Variants in CSMD3 observed in about 807,000 individuals in gnomAD.
CSMD3 encodes CUB and sushi domain-containing protein 3.
Under a neutral mutation model 435.2 loss-of-function variants are expected in CSMD3, and 177 were observed. That is an observed-to-expected ratio of 0.41 (90% confidence interval 0.36 to 0.46). The LOEUF (loss-of-function observed/expected upper bound fraction) is 0.46. Ranked by LOEUF, CSMD3 falls within the 20% of genes least tolerant of loss-of-function variation. The pLI is 0.34. For synonymous variants in CSMD3, 1,656 were observed against 1,520.5 expected (o/e 1.09, Z -2.07); for missense variants, 4,265 against 4,504.6 (o/e 0.95, Z 1.52).
chr8:113,174,023 G>A, intron 3 of CSMD3, 107 bp from the exon 4 acceptor site: 1 of 835,950 alleles, frequency 1.2e-6, no homozygotes, highest in East Asian at 2.7e-5. Context: ...TATTTCTTTG[G>A]AGAAGAGTCA....
At chr8:112,547,125 G>A (rs1272109450) in intron 27 of CSMD3, among the ~76,000 whole-genome samples, 1 of 152,096 alleles carries the variant, frequency 6.6e-6, no homozygotes, top group Non-Finnish European at 1.5e-5. Context: ...CAATTAAAAC[G>A]ACAATACTTC....
intron 20 of CSMD3, among the ~76,000 whole-genome samples, chr8:112,644,201 C>A (rs1178790341): frequency 6.6e-6 from 1 of 151,646 alleles, no homozygotes; most frequent in African/African-American, 2.4e-5. Context: ...TTAGAATGGT[C>A]ATTTTACCAT....
At chr8:113,139,254 A>G (rs1044279056) in intron 4 of CSMD3, among the ~76,000 whole-genome samples, 3 of 151,060 alleles carry the variant, frequency 2.0e-5, no homozygotes, top group African/African-American at 7.3e-5. Flanking sequence ...AGGAAAAAAT[A>G]AAAGAGTAAG....
chr8:113,391,557 T>C (rs559914968), intron 1 of CSMD3, among the ~76,000 whole-genome samples: 1 of 152,154 alleles, frequency 6.6e-6, no homozygotes, highest in South Asian at 2.1e-4. Context: ...GATGTTTTAA[T>C]TAGTAAATAG....
intron 10 of CSMD3, among the ~76,000 whole-genome samples, chr8:112,895,619 C>T (rs1001597449): frequency 6.6e-6 from 1 of 151,146 alleles, no homozygotes; most frequent in Non-Finnish European, 1.5e-5. Flanking sequence ...TGGTGCTGAG[C>T]GAGGGGAATC....
intron 1 of CSMD3, among the ~76,000 whole-genome samples, chr8:113,379,750 T>G (rs1489005816): frequency 6.6e-6 from 1 of 152,208 alleles, no homozygotes; most frequent in Non-Finnish European, 1.5e-5. Flanking sequence ...TGAACAAAGT[T>G]GAGATTTATT....
At chr8:112,260,017 G>A (rs1816228536) in intron 61 of CSMD3, among the ~76,000 whole-genome samples, 1 of 152,038 alleles carries the variant, frequency 6.6e-6, no homozygotes. Flanking sequence ...TTCTATCCGT[G>A]AATTTTCATG....
chr8:112,485,153 T>C (rs1366461930), intron 31 of CSMD3, among the ~76,000 whole-genome samples: 2 of 152,166 alleles, frequency 1.3e-5, no homozygotes, highest in African/African-American at 4.8e-5. Context: ...GCATCTCTTC[T>C]TGTTTCCATT....
intron 5 of CSMD3, among the ~76,000 whole-genome samples, chr8:113,051,828 A>T (rs2088106832): frequency 6.6e-6 from 1 of 152,208 alleles, no homozygotes; most frequent in South Asian, 2.1e-4. Flanking sequence ...CTAACCTTCA[A>T]TGAAAAGTCA....
chr8:112,374,375 C>G (rs1468519561), intron 38 of CSMD3, among the ~76,000 whole-genome samples: 1 of 151,830 alleles, frequency 6.6e-6, no homozygotes, highest in Non-Finnish European at 1.5e-5. Flanking sequence ...TATCTGTATC[C>G]TTTCAGTTTT....
Position 113,322,523 on chromosome 8 carries a change from T to C in CSMD3, c.179-7730A>G, listed in dbSNP as rs559743470. Reference sequence around the variant, plus strand: ...TCCATTAGTTTATACCACACTATCTTAACTTGTTTCATAAGAAGCATCATT... The same window carrying C: ...TCCATTAGTTTATACCACACTATCTCAACTTGTTTCATAAGAAGCATCATT... On this transcript the variant is annotated intron_variant, in intron 1 of 70. Coordinates refer to ENST00000297405, the MANE Select transcript of CSMD3 (RefSeq NM_198123.2). Among the ~76,000 whole-genome samples, 5 of 152,320 alleles carry C rather than the reference T, an allele frequency of 3.3e-5. No individual in the cohort carries two copies. The East Asian group carries it at 7.7e-4, about 24-fold the overall frequency.
chr8:112,365,471 T>G (rs1352538233), intron 38 of CSMD3, among the ~76,000 whole-genome samples: 1 of 40,862 alleles, frequency 2.4e-5, no homozygotes. Context: ...AGATTTCCTT[T>G]TTTTTTTTTT....
At chr8:112,912,845 G>A (rs1238093626) in intron 10 of CSMD3, among the ~76,000 whole-genome samples, 1 of 151,918 alleles carries the variant, frequency 6.6e-6, no homozygotes, top group Non-Finnish European at 1.5e-5. Flanking sequence ...CAAAATATAT[G>A]AGGAATTAAA....
intron 4 of CSMD3, among the ~76,000 whole-genome samples, chr8:113,151,359 A>G (rs1321929263): frequency 6.6e-6 from 1 of 151,920 alleles, no homozygotes; most frequent in East Asian, 1.9e-4. Flanking sequence ...TGGGAAGCCA[A>G]TGGAAACTCT....
intron 16 of CSMD3, among the ~76,000 whole-genome samples, chr8:112,666,986 T>G (rs1463687922): frequency 1.3e-5 from 2 of 152,176 alleles, no homozygotes; most frequent in Non-Finnish European, 2.9e-5. Context: ...TTCTTAGATT[T>G]GTATTTTGAT....
At chr8:113,383,722 G>A (rs992654153) in intron 1 of CSMD3, among the ~76,000 whole-genome samples, 4 of 152,176 alleles carry the variant, frequency 2.6e-5, no homozygotes, top group Non-Finnish European at 4.4e-5. Context: ...TTACAGTTCA[G>A]CAAGCTTCTC....
chr8:113,295,943 T>C (rs1470474020), intron 2 of CSMD3, among the ~76,000 whole-genome samples: 2 of 152,112 alleles, frequency 1.3e-5, no homozygotes, highest in African/African-American at 2.4e-5. Context: ...GTGGCACATA[T>C]ACACCATGGA....
At chr8:113,222,004 C>T (rs536375028) in intron 3 of CSMD3, among the ~76,000 whole-genome samples, 1 of 133,920 alleles carries the variant, frequency 7.5e-6, no homozygotes, top group African/African-American at 3.1e-5. Flanking sequence ...CATTTGTTGA[C>T]AAAGCAGTAA....
At chr8:112,283,205 A>T (rs907443769) in intron 58 of CSMD3, among the ~76,000 whole-genome samples, 5 of 152,030 alleles carry the variant, frequency 3.3e-5, no homozygotes, top group African/African-American at 1.2e-4. Context: ...AAAAGCATTG[A>T]ATCATATTCA....
Sources: gnomAD v4.1 joint callset for allele counts (sites outside exome capture counted in the v4.1 genomes callset) on GRCh38, gnomAD v4.1.1 for gene constraint, MANE v1.5 for transcripts, NCBI Gene and HGNC (gene_info 2026-07-23, HGNC 2026-07-21) for gene names.